The following NUP214 variants were observed in gnomAD, a reference collection of about 807,000 sequenced individuals.
NUP214 encodes the protein nucleoporin 214, also known as nuclear pore complex protein Nup214.
In NUP214, 79 loss-of-function variants were observed where a neutral mutation model predicts 196.2. The ratio of observed to expected loss-of-function variants is 0.40; its 90% CI spans 0.34 to 0.49. The LOEUF is 0.49. Ranked by LOEUF, NUP214 falls within the 20% of genes least tolerant of loss-of-function variation. The pLI, the probability that NUP214 is intolerant of heterozygous loss-of-function variation, is 0.58. For missense variants in NUP214, 2,468 were observed against 2,539.0 expected (o/e 0.97, Z 0.60); for synonymous variants, 1,020 against 990.5 (o/e 1.03, Z -0.56).
Position 131,146,064 on chromosome 9 carries a change from C to T in NUP214, c.1770-65C>T. 1 of 1,412,870 alleles carries T rather than the reference C, an allele frequency of 7.1e-7. No individual in the cohort carries two copies. The highest frequency in any genetic ancestry group is 1.0e-6 in the Non-Finnish European group (1 of 1,004,416). The allele number at this position is 1,412,870 out of a possible 1,614,324, so 87.5% of individuals were successfully genotyped here. On this transcript the variant is annotated intron_variant, in intron 12 of 35. Transcript: ENST00000359428. The surrounding 1 kb of genome is among the most constrained non-coding windows in gnomAD (Gnocchi z 4.6). The stretch of plus-strand genomic sequence containing the variant: ...AATAAGTTATCTTTTGATGACATTG[C>T]TCATGCTAGTGTAAAAGAATCTTCT...
At chr9:131,230,450 A>G (rs1007634008) in intron 33 of NUP214, 180 bp from the exon 34 acceptor site, 1 of 634,264 alleles carries the variant, frequency 1.6e-6, no homozygotes, top group Non-Finnish European at 2.7e-6. Context: ...TAGAGCAGAG[A>G]TAAAAGTTGG....
intron 27 of NUP214, among the ~76,000 whole-genome samples, chr9:131,192,941 CAAAAAAAA>C (rs34653431): frequency 1.6e-4 from 5 of 31,058 alleles, no homozygotes; most frequent in Middle Eastern, 0.029. Context: ...ACCCCGTCTC[CAAAAAAAA>C]AAAAAAAAAA....
intron 2 of NUP214, among the ~76,000 whole-genome samples, chr9:131,128,088 A>G (rs561421469): frequency 6.6e-6 from 1 of 152,344 alleles, no homozygotes; most frequent in African/African-American, 2.4e-5. Flanking sequence ...TTGTTGCAAA[A>G]ATATTTTCAA....
At chr9:131,227,310 A>G (rs1260549514) in intron 32 of NUP214, among the ~76,000 whole-genome samples, 1 of 152,230 alleles carries the variant, frequency 6.6e-6, no homozygotes, top group Non-Finnish European at 1.5e-5. Flanking sequence ...TGGCAGCCTG[A>G]GCCCACTGGG....
intron 34 of NUP214, 148 bp downstream of exon 34, chr9:131,230,917 T>C: frequency 2.2e-6 from 2 of 902,908 alleles, no homozygotes; most frequent in African/African-American, 3.4e-5. Flanking sequence ...TCCCAGCACT[T>C]TGGGAGACCA....
At position 131,172,254 on chromosome 9, in the gene NUP214, C is replaced by T. The variant is rs549954325; in HGVS notation, c.2894-1801C>T. ...TTTTAATGATTGCCATTCTAACTGG[C>T]GTGAGATGGTATCTCATTGTGGTTT... On this transcript the variant is annotated intron_variant, in intron 21 of 35. Coordinates refer to ENST00000359428, the MANE Select transcript of NUP214 (RefSeq NM_005085.4). 3.2e-3 allele frequency among the ~76,000 whole-genome samples: 480 copies of T among 151,866 alleles called. 1 individual carries two copies. Among genetic ancestry groups the T allele is most frequent in the African/African-American group, 0.01 (424 of 41,380 alleles).
intron 19 of NUP214, among the ~76,000 whole-genome samples, chr9:131,163,537 C>T (rs1338629456): frequency 1.3e-5 from 2 of 152,118 alleles, no homozygotes; most frequent in Non-Finnish European, 2.9e-5. Flanking sequence ...TGCCATTCTG[C>T]TTGAATGGGG....
chr9:131,161,742 A>T (rs1832642427), intron 18 of NUP214, among the ~76,000 whole-genome samples: 2 of 152,210 alleles, frequency 1.3e-5, no homozygotes, highest in South Asian at 4.1e-4. Context: ...TTGTTGCTTA[A>T]CGTGCGTTCT....
chr9:131,150,349 C>G lies in NUP214; in HGVS notation c.2066C>G (p.Ala689Gly), dbSNP rs1832220458. 1.9e-6 allele frequency: 3 copies of G among 1,614,100 alleles called. No homozygotes were observed. Among genetic ancestry groups the G allele is most frequent in the Non-Finnish European group, 1.7e-6 (2 of 1,179,994 alleles). The change falls in exon 15 of 36, where the codon GCA (alanine) becomes GGA (glycine). Residue 689 changes from alanine to glycine, a missense_variant. This residue lies in a region of NUP214 where 1,801 missense variants were observed against 1,779.4 expected (regional missense o/e 1.01). Transcript: ENST00000359428. ...GCAAAGTCACTTCAGCCTGCTGTTG[C>G]AGAAAAGCAGGGACATCAGTGGAAA... is the stretch of plus-strand genomic sequence containing the variant. ...PQAKSLQPAV[A>G]EKQGHQWKDS...
chr9:131,218,749 C>G (rs1834474543), intron 31 of NUP214, among the ~76,000 whole-genome samples: 1 of 152,166 alleles, frequency 6.6e-6, no homozygotes, highest in Non-Finnish European at 1.5e-5. Context: ...CCTTGGGCAA[C>G]TTCCCACTGA....
intron 31 of NUP214, among the ~76,000 whole-genome samples, chr9:131,219,400 G>A (rs952115495): frequency 6.6e-5 from 10 of 152,262 alleles, no homozygotes; most frequent in African/African-American, 2.2e-4. Flanking sequence ...AGTCCCCTTT[G>A]TGACATTTAT....
intron 17 of NUP214, among the ~76,000 whole-genome samples, chr9:131,152,533 A>G (rs1832304158): frequency 6.6e-6 from 1 of 151,964 alleles, no homozygotes; most frequent in African/African-American, 2.4e-5. Context: ...TAAAGTGGCA[A>G]CTATTTCTTG....
intron 17 of NUP214, among the ~76,000 whole-genome samples, chr9:131,156,321 A>T (rs1240596555): frequency 6.6e-6 from 1 of 151,644 alleles, no homozygotes; most frequent in Non-Finnish European, 1.5e-5. Context: ...TTCAGTAGAG[A>T]CGGGGTTTCA....
At chr9:131,171,788 G>A (rs1262376418) in intron 21 of NUP214, among the ~76,000 whole-genome samples, 1 of 152,054 alleles carries the variant, frequency 6.6e-6, no homozygotes, top group African/African-American at 2.4e-5. Flanking sequence ...CCACCTGTGA[G>A]TGAGAACATG....
chr9:131,144,231 C>G, intron 11 of NUP214, 49 bp from the exon 12 acceptor site: 1 of 1,377,634 alleles, frequency 7.3e-7, no homozygotes, highest in East Asian at 2.3e-5. Context: ...TTATGTGAAC[C>G]TCCACTGTTA....
At chr9:131,215,416 G>T in intron 31 of NUP214, 48 bp downstream of exon 31, 1 of 1,461,628 alleles carries the variant, frequency 6.8e-7, no homozygotes. Context: ...TAATGCCATT[G>T]TCATTCTTAG....
intron 17 of NUP214, chr9:131,153,091 C>G (rs1271230027): frequency 6.6e-6 from 1 of 152,178 alleles, no homozygotes; most frequent in Non-Finnish European, 1.5e-5. Flanking sequence ...TTAATCTCTG[C>G]TTTTGCTAAT....
chr9:131,136,301 A>AT (rs1831726709), intron 9 of NUP214, among the ~76,000 whole-genome samples: 1 of 152,254 alleles, frequency 6.6e-6, no homozygotes, highest in Non-Finnish European at 1.5e-5. Context: ...TTTGGAGGGA[A>AT]TTAACTATAT....
chr9:131,164,637 C>G (rs1431243329), intron 21 of NUP214: 1 of 152,956 alleles, frequency 6.5e-6, no homozygotes, highest in African/African-American at 2.4e-5. Flanking sequence ...TTCAAGTTAT[C>G]CTCCTGCCTC....
Sources: gnomAD v4.1 joint callset for allele counts (sites outside exome capture counted in the v4.1 genomes callset) on GRCh38, gnomAD v4.1.1 for gene constraint, gnomAD v4.1.1 regional missense constraint, Gnocchi (gnomAD v3.1) non-coding constraint, MANE v1.5 for transcripts, NCBI Gene and HGNC (gene_info 2026-07-23, HGNC 2026-07-21) for gene names.